Variants in EPB41L2 observed in about 807,000 individuals in gnomAD.
The protein encoded by EPB41L2 is band 4.1-like protein 2.
Under a neutral mutation model 113.0 loss-of-function variants are expected in EPB41L2, and 43 were observed. The ratio of observed to expected loss-of-function variants is 0.38; its 90% CI spans 0.30 to 0.49. The LOEUF is 0.49. Ranked by LOEUF, EPB41L2 falls within the 20% of genes least tolerant of loss-of-function variation. The probability of loss-of-function intolerance (pLI) is 0.95; values close to 1 mark genes in which losing one functional copy is unlikely to be tolerated. For missense variants in EPB41L2, 1,147 were observed against 1,223.4 expected, an observed-to-expected ratio of 0.94 and a Z score of 0.93; for synonymous variants, 442 against 436.7, an observed-to-expected ratio of 1.01 and a Z score of -0.15.
chr6:130,908,230 A>G (rs1798297315), intron 5 of EPB41L2, among the ~76,000 whole-genome samples: 1 of 152,240 alleles, frequency 6.6e-6, no homozygotes, highest in South Asian at 2.1e-4. Flanking sequence ...TACAAGAACA[A>G]ATGGGAAAAG....
At chr6:131,011,136 T>C (rs992731297) in intron 1 of EPB41L2, among the ~76,000 whole-genome samples, 4 of 152,196 alleles carry the variant, frequency 2.6e-5, no homozygotes, top group African/African-American at 9.7e-5. Context: ...CAGGACCTCA[T>C]AGCCTAGTAA....
chr6:130,939,523 G>T (rs1237315558), intron 3 of EPB41L2, among the ~76,000 whole-genome samples: 1 of 152,040 alleles, frequency 6.6e-6, no homozygotes, highest in Non-Finnish European at 1.5e-5. Flanking sequence ...AAAGTGCTAG[G>T]ATTACAGATG....
chr6:130,980,959 A>G (rs1280657250), intron 1 of EPB41L2, among the ~76,000 whole-genome samples: 1 of 152,182 alleles, frequency 6.6e-6, no homozygotes, highest in Admixed American at 6.5e-5. Flanking sequence ...CCAGTCTTGA[A>G]TGGCAAATAA....
chr6:130,860,924 G>A (rs1328035739), intron 18 of EPB41L2, among the ~76,000 whole-genome samples: 2 of 152,176 alleles, frequency 1.3e-5, no homozygotes, highest in African/African-American at 4.8e-5. Context: ...GTATGGAGCT[G>A]AAAGTATCAT....
At chr6:130,971,967 T>C (rs976727340) in intron 1 of EPB41L2, among the ~76,000 whole-genome samples, 6 of 152,204 alleles carry the variant, frequency 3.9e-5, no homozygotes, top group African/African-American at 1.4e-4. Flanking sequence ...GATAGTATAG[T>C]TACCGTGATG....
At chr6:130,898,631 CTTT>C (rs1000689199) in intron 8 of EPB41L2, among the ~76,000 whole-genome samples, 2 of 152,062 alleles carry the variant, frequency 1.3e-5, no homozygotes, top group African/African-American at 4.8e-5. Flanking sequence ...TGACTTATTT[CTTT>C]ATGAACAGGA....
intron 4 of EPB41L2, among the ~76,000 whole-genome samples, chr6:130,918,784 C>T (rs1801936844): frequency 6.6e-6 from 1 of 152,092 alleles, no homozygotes; most frequent in Non-Finnish European, 1.5e-5. Flanking sequence ...ATCAAAATTT[C>T]CCATAAGTAC....
At chr6:130,908,149 C>T (rs1196635029) in intron 5 of EPB41L2, among the ~76,000 whole-genome samples, 1 of 152,186 alleles carries the variant, frequency 6.6e-6, no homozygotes. Flanking sequence ...GCAAAACAAC[C>T]TGCAGAGGCA....
chr6:130,891,435 AC>A (rs1792825335), intron 10 of EPB41L2, among the ~76,000 whole-genome samples: 1 of 51,106 alleles, frequency 2.0e-5, no homozygotes. Flanking sequence ...TTATTTACTT[AC>A]TTACTTACTT....
chr6:130,937,233 T>C (rs1191678092), intron 3 of EPB41L2, among the ~76,000 whole-genome samples: 1 of 152,198 alleles, frequency 6.6e-6, no homozygotes, highest in African/African-American at 2.4e-5. Context: ...GTATCCACGA[T>C]GTATTATAGC....
Position 130,901,144 on chromosome 6 carries a change from G to C in EPB41L2, c.966C>G (p.Ala322=). Residue 322 remains alanine (A), a synonymous_variant, in exon 7 of 20, where the codon GCC becomes GCG. Transcript: ENST00000337057. ...CAAAAGAGCAGGGCAGGCGGCCAGA[G>C]GCAATGTCCTGCCGGAGCTGAAGGC... ...FLCLQLRQDI[A]SGRLPCSFVT... The C allele has an allele frequency of 6.2e-7, 1 of 1,613,992 alleles. No individual in the cohort carries two copies. The highest frequency in any genetic ancestry group is 1.7e-5 in the Admixed American group (1 of 60,018).
In EPB41L2 at chr6:131,000,361, T is replaced by C. The variant is rs186444226; in HGVS notation, c.-14-43862A>G. Reference sequence around the variant, plus strand: ...GCATAAAACAAGAAATCCGCTCTTATTGTTTTCTTCTGCACCCCCTCAAAT... The same window carrying C: ...GCATAAAACAAGAAATCCGCTCTTACTGTTTTCTTCTGCACCCCCTCAAAT... On this transcript the variant is annotated intron_variant, in intron 1 of 19. Coordinates refer to ENST00000337057, the MANE Select transcript of EPB41L2 (RefSeq NM_001431.4). Among the ~76,000 whole-genome samples the C allele has an allele frequency of 5.3e-5, 8 of 152,294 alleles. No homozygotes were observed. The East Asian group carries it at 9.7e-4, about 18-fold the overall frequency.
chr6:130,888,011 A>T (rs1791595464), intron 11 of EPB41L2, among the ~76,000 whole-genome samples: 1 of 152,210 alleles, frequency 6.6e-6, no homozygotes, highest in Non-Finnish European at 1.5e-5. Flanking sequence ...CTATGTAATC[A>T]TAAGAGGATT....
chr6:130,989,004 G>C (rs1781208113), intron 1 of EPB41L2, among the ~76,000 whole-genome samples: 1 of 152,144 alleles, frequency 6.6e-6, no homozygotes, highest in South Asian at 2.1e-4. Context: ...TGGGAGAATT[G>C]CTTGAACCCA....
intron 1 of EPB41L2, among the ~76,000 whole-genome samples, chr6:131,001,479 A>C (rs936391814): frequency 6.6e-6 from 1 of 152,212 alleles, no homozygotes. Flanking sequence ...GCTGCCAGAA[A>C]AAAAAGAATT....
At chr6:131,005,600 T>C (rs1233478236) in intron 1 of EPB41L2, among the ~76,000 whole-genome samples, 8 of 152,226 alleles carry the variant, frequency 5.3e-5, no homozygotes, top group Non-Finnish European at 1.0e-4. Context: ...TTATTACCCA[T>C]ATTCCTGCTC....
Position 130,859,907 on chromosome 6 carries a change from T to C in EPB41L2, c.2911-1664A>G, listed in dbSNP as rs143476410. 3.2e-3 allele frequency among the ~76,000 whole-genome samples: 492 copies of C among 152,280 alleles called. 1 individual carries two copies. The highest frequency in any genetic ancestry group is 0.011 in the African/African-American group (477 of 41,556). The stretch of plus-strand genomic sequence containing the variant: ...AATAAAACATGGAACCAGACTCCAA[T>C]CTGGGCAGTAGCAGAAGTGTTTGTC... On this transcript the variant is annotated intron_variant, in intron 18 of 19. Transcript: ENST00000337057.
chr6:131,029,939 A>AG (rs1245774351), intron 1 of EPB41L2, among the ~76,000 whole-genome samples: 14 of 151,278 alleles, frequency 9.3e-5, no homozygotes, highest in Admixed American at 3.3e-4. Context: ...CAGCCTGCAC[A>AG]ATTGGATTGT....
At chr6:130,843,364 C>T (rs963200286) in intron 19 of EPB41L2, among the ~76,000 whole-genome samples, 6 of 152,178 alleles carry the variant, frequency 3.9e-5, no homozygotes, top group African/African-American at 1.4e-4. Context: ...CATATTCCAA[C>T]CAAACTGAAA....
Sources: gnomAD v4.1 joint callset for allele counts (sites outside exome capture counted in the v4.1 genomes callset) on GRCh38, gnomAD v4.1.1 for gene constraint, MANE v1.5 for transcripts, NCBI Gene and HGNC (gene_info 2026-07-23, HGNC 2026-07-21) for gene names.